The following EPB41L3 variants were observed in gnomAD, a reference collection of about 807,000 sequenced individuals.
The protein encoded by EPB41L3 is band 4.1-like protein 3.
EPB41L3 carries 57 observed loss-of-function variants against 127.1 expected under a neutral mutation model. That is an observed-to-expected ratio of 0.45 (90% CI 0.36 to 0.56). The LOEUF is 0.56. Ranked by LOEUF, EPB41L3 falls within the 20% of genes least tolerant of loss-of-function variation. The probability of loss-of-function intolerance (pLI) is 0.00; values close to 1 mark genes in which losing one functional copy is unlikely to be tolerated. For synonymous variants in EPB41L3, 572 were observed against 549.5 expected, an observed-to-expected ratio of 1.04 and a Z score of -0.57; for missense variants, 1,273 against 1,372.2, an observed-to-expected ratio of 0.93 and a Z score of 1.14.
intron 8 of EPB41L3, among the ~76,000 whole-genome samples, 155 bp from the exon 9 acceptor site, chr18:5,428,620 T>C (rs2078553108): frequency 1.3e-5 from 2 of 152,200 alleles, no homozygotes; most frequent in Non-Finnish European, 2.9e-5. Flanking sequence ...CATTAAACAT[T>C]AGCCTTTTGG....
chr18:5,494,296 C>T (rs902221186), intron 1 of EPB41L3, among the ~76,000 whole-genome samples: 1 of 152,146 alleles, frequency 6.6e-6, no homozygotes, highest in African/African-American at 2.4e-5. Flanking sequence ...GACAGCACTT[C>T]CCTCCCTATG....
intron 3 of EPB41L3, among the ~76,000 whole-genome samples, chr18:5,580,199 T>C (rs548018798): frequency 1.3e-5 from 2 of 152,156 alleles, no homozygotes; most frequent in Non-Finnish European, 2.9e-5. Context: ...CTCTCATGTA[T>C]AGATACACAA....
intron 1 of EPB41L3, among the ~76,000 whole-genome samples, chr18:5,528,755 G>A (rs772552257): frequency 2.0e-5 from 3 of 152,018 alleles, no homozygotes; most frequent in East Asian, 3.9e-4. Flanking sequence ...CCACCATCAC[G>A]TCTGGCTAAT....
chr18:5,556,375 GGGGA>G (rs2094035946), intron 3 of EPB41L3, among the ~76,000 whole-genome samples: 2 of 152,208 alleles, frequency 1.3e-5, no homozygotes, highest in Non-Finnish European at 2.9e-5. Context: ...ACTCTGGGTA[GGGGA>G]CTAGCCAGAG....
chr18:5,446,231 TAACAA>T (rs2014245964), intron 3 of EPB41L3, among the ~76,000 whole-genome samples: 1 of 152,316 alleles, frequency 6.6e-6, no homozygotes, highest in Non-Finnish European at 1.5e-5. Flanking sequence ...TTATTAAACA[TAACAA>T]AATATTCAGT....
intron 5 of EPB41L3, among the ~76,000 whole-genome samples, chr18:5,441,869 T>TA (rs1598981444): frequency 6.6e-6 from 1 of 152,210 alleles, no homozygotes; most frequent in South Asian, 2.1e-4. Flanking sequence ...ATCTGCATGA[T>TA]AAAAAAATCT....
At chr18:5,480,297 C>G (rs2088173130) in intron 2 of EPB41L3, among the ~76,000 whole-genome samples, 1 of 152,114 alleles carries the variant, frequency 6.6e-6, no homozygotes, top group Non-Finnish European at 1.5e-5. Flanking sequence ...TTTAAGAACT[C>G]AAAAATAGCA....
intron 3 of EPB41L3, among the ~76,000 whole-genome samples, chr18:5,592,123 T>C (rs777812244): frequency 4.7e-4 from 71 of 152,186 alleles, no homozygotes; most frequent in Non-Finnish European, 7.5e-4. Flanking sequence ...TACAAAAACT[T>C]GCAATTAGAA....
chr18:5,622,951 ATTTT>A (rs10622515), intron 1 of EPB41L3, among the ~76,000 whole-genome samples: 2 of 76,054 alleles, frequency 2.6e-5, no homozygotes, highest in Non-Finnish European at 4.6e-5. Context: ...CATAATGCTG[ATTTT>A]TTTTTTTTTT....
At chr18:5,477,590 A>G (rs1050945416) in intron 3 of EPB41L3, among the ~76,000 whole-genome samples, 95 of 152,326 alleles carry the variant, frequency 6.2e-4, no homozygotes, top group Non-Finnish European at 1.2e-3. Flanking sequence ...AGAGAACTCA[A>G]CAGTCAGCTG....
At chr18:5,575,996 A>T (rs1229047253) in intron 3 of EPB41L3, among the ~76,000 whole-genome samples, 1 of 152,176 alleles carries the variant, frequency 6.6e-6, no homozygotes, top group Non-Finnish European at 1.5e-5. Context: ...TATGAATAAC[A>T]TCCATACGTA....
At chr18:5,574,709 CATATCA>C (rs1482115110) in intron 3 of EPB41L3, among the ~76,000 whole-genome samples, 3 of 152,168 alleles carry the variant, frequency 2.0e-5, no homozygotes, top group African/African-American at 7.2e-5. Flanking sequence ...AGCTTCCCAA[CATATCA>C]CGTGTCATCA....
chr18:5,616,078 G>A (rs1241061932), intron 1 of EPB41L3, among the ~76,000 whole-genome samples: 1 of 152,082 alleles, frequency 6.6e-6, no homozygotes, highest in East Asian at 1.9e-4. Flanking sequence ...CATGGGTTTT[G>A]CAGGAGGATT....
intron 3 of EPB41L3, among the ~76,000 whole-genome samples, chr18:5,558,525 C>CTAT (rs2094074358): frequency 6.6e-6 from 1 of 152,126 alleles, no homozygotes; most frequent in Non-Finnish European, 1.5e-5. Context: ...CTATAGTATG[C>CTAT]AGAATGATGA....
At chr18:5,513,977 T>C (rs2092651427) in intron 1 of EPB41L3, among the ~76,000 whole-genome samples, 1 of 152,206 alleles carries the variant, frequency 6.6e-6, no homozygotes, top group Non-Finnish European at 1.5e-5. Context: ...TTGAAGTCCA[T>C]GTCAATTAAA....
At chr18:5,459,024 A>G (rs552611080) in intron 3 of EPB41L3, among the ~76,000 whole-genome samples, 9 of 152,294 alleles carry the variant, frequency 5.9e-5, no homozygotes, top group South Asian at 2.1e-4. Context: ...AACCTCAGGC[A>G]CTTCCATGAA....
intron 19 of EPB41L3, 75 bp from the exon 20 acceptor site, chr18:5,395,782 G>A: frequency 1.8e-6 from 2 of 1,121,008 alleles, no homozygotes; most frequent in South Asian, 2.6e-5. Flanking sequence ...CGTTATTTAA[G>A]GCATTACGAC....
chr18:5,556,044 T>C (rs567989804), intron 3 of EPB41L3, among the ~76,000 whole-genome samples: 2 of 152,292 alleles, frequency 1.3e-5, no homozygotes, highest in African/African-American at 4.8e-5. Flanking sequence ...CAAGTCCCAA[T>C]AGGGAACTTG....
chr18:5,458,284 A>G (rs561336421), intron 3 of EPB41L3, among the ~76,000 whole-genome samples: 1 of 152,322 alleles, frequency 6.6e-6, no homozygotes, highest in Non-Finnish European at 1.5e-5. Context: ...CACCTCAAAC[A>G]TCATATAAAG....
Sources: allele counts gnomAD v4.1 joint callset (sites outside exome capture counted in the v4.1 genomes callset), GRCh38; gene constraint gnomAD v4.1.1; transcripts MANE v1.5; gene names NCBI Gene and HGNC (gene_info 2026-07-23, HGNC 2026-07-21).